NCOA1: variants seen among roughly 807,000 people sequenced by gnomAD.
NCOA1 encodes nuclear receptor coactivator 1.
In NCOA1, 35 loss-of-function variants were observed where a neutral mutation model predicts 150.9. The ratio of observed to expected loss-of-function variants is 0.23; its 90% confidence interval spans 0.18 to 0.31. The LOEUF is 0.31. NCOA1 is among the 10% of genes least tolerant of loss of function. The probability of loss-of-function intolerance (pLI) is 1.00; values close to 1 mark genes in which losing one functional copy is unlikely to be tolerated. For missense variants in NCOA1, 1,491 were observed against 1,749.3 expected, an observed-to-expected ratio of 0.85 and a Z score of 2.63; for synonymous variants, 590 against 630.0, an observed-to-expected ratio of 0.94 and a Z score of 0.95.
intron 6 of NCOA1, among the ~76,000 whole-genome samples, chr2:24,669,654 A>T (rs188297834): frequency 2.6e-5 from 4 of 152,212 alleles, no homozygotes. Flanking sequence ...AAAATGAGAA[A>T]CTCCTGCACC....
At chr2:24,729,839 G>A in intron 17 of NCOA1, 24 bp downstream of exon 17, 1 of 1,576,180 alleles carries the variant, frequency 6.3e-7, no homozygotes, top group South Asian at 1.2e-5. Flanking sequence ...TTTAGCAGTT[G>A]ATACTTTTTT....
At chr2:24,631,950 C>T (rs1669728951) in intron 3 of NCOA1, among the ~76,000 whole-genome samples, 1 of 151,972 alleles carries the variant, frequency 6.6e-6, no homozygotes, top group Non-Finnish European at 1.5e-5. Flanking sequence ...ATAATATATA[C>T]ATGAAGTAAA....
intron 1 of NCOA1, among the ~76,000 whole-genome samples, chr2:24,536,476 A>G (rs1180869788): frequency 1.3e-5 from 2 of 152,160 alleles, no homozygotes; most frequent in African/African-American, 4.8e-5. Flanking sequence ...GTCATTCTCC[A>G]TCCAGCTCTG....
intron 3 of NCOA1, among the ~76,000 whole-genome samples, chr2:24,635,463 T>C (rs1329872260): frequency 6.6e-6 from 1 of 151,814 alleles, no homozygotes; most frequent in Non-Finnish European, 1.5e-5. Flanking sequence ...GAAAAAGTTC[T>C]CACAAAAAAA....
chr2:24,730,136 A>G lies in NCOA1; in HGVS notation c.3201+321A>G, dbSNP rs112231340. On this transcript the variant is annotated intron_variant, in intron 17 of 22. Coordinates refer to ENST00000348332, the MANE Select transcript of NCOA1 (RefSeq NM_003743.5). ...TGGGATTACAGGCGTGAGCCACCGC[A>G]CCCTGCCAGCAGTTGATACTTTTTA... Among the ~76,000 whole-genome samples the G allele has an allele frequency of 8.9e-4, 135 of 152,172 alleles. 2 individuals carry two copies. Among genetic ancestry groups the G allele is most frequent in the Middle Eastern group, 3.4e-3 (1 of 294 alleles).
At chr2:24,543,712 G>T (rs764923134) in intron 1 of NCOA1, among the ~76,000 whole-genome samples, 3 of 152,024 alleles carry the variant, frequency 2.0e-5, no homozygotes, top group African/African-American at 4.8e-5. Context: ...AAATTGAGAA[G>T]ATTTCAGATT....
intron 6 of NCOA1, among the ~76,000 whole-genome samples, chr2:24,668,449 A>G (rs1032754287): frequency 5.9e-5 from 9 of 151,952 alleles, no homozygotes; most frequent in African/African-American, 2.2e-4. Context: ...CACACATACT[A>G]GATTGCTTTC....
chr2:24,576,174 T>TTG (rs1558806632), intron 2 of NCOA1, among the ~76,000 whole-genome samples: 7 of 41,490 alleles, frequency 1.7e-4, no homozygotes, highest in African/African-American at 3.4e-4. Context: ...TTTTTTGTTT[T>TTG]TTTTTTTTTT....
intron 1 of NCOA1, among the ~76,000 whole-genome samples, chr2:24,553,055 C>T (rs1014305351): frequency 1.4e-4 from 21 of 152,186 alleles, no homozygotes; most frequent in African/African-American, 5.1e-4. Flanking sequence ...TGAGAGCAGA[C>T]GTTCATGTCT....
chr2:24,710,124 C>T (rs1474214671), intron 13 of NCOA1, among the ~76,000 whole-genome samples: 1 of 151,838 alleles, frequency 6.6e-6, no homozygotes, highest in Non-Finnish European at 1.5e-5. Flanking sequence ...ATGGGAGTCT[C>T]GCTCTGTAGC....
At chr2:24,624,069 T>C (rs1415052732) in intron 3 of NCOA1, among the ~76,000 whole-genome samples, 5 of 152,136 alleles carry the variant, frequency 3.3e-5, no homozygotes, top group Admixed American at 1.3e-4. Context: ...TCACCAATAG[T>C]GCAAAAGTAA....
chr2:24,703,298 A>G (rs575112703), intron 11 of NCOA1, among the ~76,000 whole-genome samples: 5 of 152,206 alleles, frequency 3.3e-5, no homozygotes, highest in Non-Finnish European at 7.3e-5. Flanking sequence ...CATCTGAACA[A>G]TTAAGCACCA....
chr2:24,671,979 T>C (rs1035746666), intron 6 of NCOA1, among the ~76,000 whole-genome samples: 2 of 152,200 alleles, frequency 1.3e-5, no homozygotes, highest in Non-Finnish European at 2.9e-5. Flanking sequence ...AAAATCTATA[T>C]GTATTCAGCA....
rs373545309 is a variant in NCOA1, at chr2:24,560,880, C to A, written c.-395-3415C>A. On this transcript the variant is annotated intron_variant, in intron 1 of 22. Transcript: ENST00000348332. ...TAGAATACAAATTTGTGAAATCACACCACAGAGGTTTCTGTGCTGTTTGGT... is the reference window on the plus strand; with the variant it reads ...TAGAATACAAATTTGTGAAATCACAACACAGAGGTTTCTGTGCTGTTTGGT... Among the ~76,000 whole-genome samples, 31 of 152,238 alleles carry A rather than the reference C, an allele frequency of 2.0e-4. No homozygotes were observed. In the South Asian group the frequency reaches 6.2e-3, roughly 31 times the overall value.
At chr2:24,610,764 G>A (rs1252355631) in intron 3 of NCOA1, among the ~76,000 whole-genome samples, 1 of 145,400 alleles carries the variant, frequency 6.9e-6, no homozygotes, top group Non-Finnish European at 1.5e-5. Flanking sequence ...TGTATTTATT[G>A]TGGTTTTTTT....
chr2:24,631,847 A>G (rs1221716080), intron 3 of NCOA1, among the ~76,000 whole-genome samples: 2 of 152,196 alleles, frequency 1.3e-5, no homozygotes, highest in African/African-American at 2.4e-5. Context: ...TATTTCTGTC[A>G]TACAATTCTT....
rs201857222 is a variant in NCOA1 at position 24,691,667 on chromosome 2, C to T, written c.712+7C>T. 11 of 1,610,042 alleles carry T rather than the reference C, an allele frequency of 6.8e-6. No individual in the cohort carries two copies. The East Asian group carries it at 2.0e-4, about 29-fold the overall frequency. Reference sequence around the variant, plus strand: ...ATTCAAGAGGATGGAGAAGGTAAAGCCAAACGGTCTTTTTAAAGTGTTTAT... The same window carrying T: ...ATTCAAGAGGATGGAGAAGGTAAAGTCAAACGGTCTTTTTAAAGTGTTTAT... On this transcript the variant is annotated splice_region_variant and intron_variant, in intron 9 of 22. Coordinates refer to ENST00000348332, the MANE Select transcript of NCOA1 (RefSeq NM_003743.5).
chr2:24,542,450 C>T (rs970985372), intron 1 of NCOA1, among the ~76,000 whole-genome samples: 33 of 152,260 alleles, frequency 2.2e-4, no homozygotes, highest in African/African-American at 7.0e-4. Context: ...ATAGACTATA[C>T]GATTCTAGTA....
chr2:24,598,283 G>A (rs1041579313), intron 3 of NCOA1, among the ~76,000 whole-genome samples: 3 of 152,010 alleles, frequency 2.0e-5, no homozygotes, highest in Non-Finnish European at 2.9e-5. Flanking sequence ...CAGCATTCTC[G>A]TAAATGAAAT....
Sources: gnomAD v4.1 joint callset for allele counts (sites outside exome capture counted in the v4.1 genomes callset) on GRCh38, gnomAD v4.1.1 for gene constraint, MANE v1.5 for transcripts, NCBI Gene and HGNC (gene_info 2026-07-23, HGNC 2026-07-21) for gene names.